The following ZNF2 variants were observed in gnomAD, a reference collection of about 807,000 sequenced individuals.
ZNF2 encodes zinc finger protein 2.
Under a neutral mutation model 21.9 loss-of-function variants are expected in ZNF2, and 12 were observed. That is an observed-to-expected ratio of 0.55 (90% CI 0.35 to 0.89). The LOEUF (loss-of-function observed/expected upper bound fraction) is 0.89. Ranked by LOEUF, ZNF2 falls within the 40% of genes least tolerant of loss-of-function variation. The pLI, the probability that ZNF2 is intolerant of heterozygous loss-of-function variation, is 0.01. For missense variants in ZNF2, 462 were observed against 544.2 expected (o/e 0.85, Z 1.50); for synonymous variants, 186 against 196.3 (o/e 0.95, Z 0.44).
intron 1 of ZNF2, among the ~76,000 whole-genome samples, chr2:95,167,521 A>G (rs898206312): frequency 1.3e-5 from 2 of 151,394 alleles, no homozygotes; most frequent in Admixed American, 1.3e-4. Flanking sequence ...AAAAAAAAAA[A>G]AAAAAGAAAG....
intron 2 of ZNF2, among the ~76,000 whole-genome samples, chr2:95,176,644 G>A (rs36120917): frequency 0.042 from 6,460 of 152,264 alleles, 421 homozygotes; most frequent in African/African-American, 0.14. Flanking sequence ...AGGCTGGGGC[G>A]TGTGATACAC....
intron 1 of ZNF2, among the ~76,000 whole-genome samples, chr2:95,166,070 C>T (rs183030274): frequency 6.6e-6 from 1 of 151,960 alleles, no homozygotes; most frequent in African/African-American, 2.4e-5. Flanking sequence ...GTCTGGGCAC[C>T]CATTGTATGT....
intron 1 of ZNF2, among the ~76,000 whole-genome samples, chr2:95,170,263 C>T (rs917298061): frequency 1.3e-5 from 2 of 152,190 alleles, no homozygotes; most frequent in African/African-American, 2.4e-5. Flanking sequence ...ATATCTGCCT[C>T]CTCCCAGCAA....
Position 95,166,958 on chromosome 2 carries a change from A to G in ZNF2, c.-40+1098A>G, listed in dbSNP as rs557934744. ...TGTAAAATTACAATACAATTACAGG[A>G]CATGGACATCTGTAGAGTTTGAAAA... On this transcript the variant is annotated intron_variant, in intron 1 of 4. Transcript: ENST00000614034. Among the ~76,000 whole-genome samples the G allele has an allele frequency of 1.8e-4, 27 of 152,296 alleles. No homozygotes were observed. The South Asian group carries it at 5.0e-3, about 28-fold the overall frequency.
chr2:95,180,176 C>T lies in ZNF2; in HGVS notation c.178C>T (p.Pro60Ser). Residue 60 changes from proline (P) to serine (S), a missense_variant, in exon 4 of 5, where the codon CCT (proline) becomes TCT (serine). Physicochemically the swap from Pro to Ser is moderately conservative, Grantham distance 74 (BLOSUM62 -1). Transcript: ENST00000614034. Reference protein sequence around the residue: ...IVSLGLPVPQPDVIFQLKRGD... With the variant: ...IVSLGLPVPQSDVIFQLKRGD... ...TTGAGCAGGCCTTCCAGTTCCTCAA[C>T]CTGATGTGATTTTCCAATTGAAGAG... 2 of 1,613,872 alleles carry T rather than the reference C, an allele frequency of 1.2e-6. No individual in the cohort carries two copies. The highest frequency in any genetic ancestry group is 2.2e-5 in the East Asian group (1 of 44,874).
chr2:95,167,522 A>G (rs995705508), intron 1 of ZNF2, among the ~76,000 whole-genome samples: 38 of 151,274 alleles, frequency 2.5e-4, no homozygotes, highest in African/African-American at 8.5e-4. Context: ...AAAAAAAAAA[A>G]AAAAGAAAGA....
At chr2:95,171,487 A>G (rs897596696) in intron 1 of ZNF2, among the ~76,000 whole-genome samples, 3 of 150,298 alleles carry the variant, frequency 2.0e-5, no homozygotes, top group Non-Finnish European at 4.4e-5. Flanking sequence ...GGTTTGAGCG[A>G]TTCTCCTGCC....
intron 1 of ZNF2, among the ~76,000 whole-genome samples, chr2:95,175,164 C>T (rs751944308): frequency 1.3e-5 from 2 of 152,080 alleles, no homozygotes; most frequent in Non-Finnish European, 2.9e-5. Context: ...CATGTGCCAC[C>T]GTGCCTGGTC....
intron 3 of ZNF2, 94 bp from the exon 4 acceptor site, chr2:95,180,065 C>CA: frequency 2.2e-6 from 2 of 898,664 alleles, no homozygotes; most frequent in Non-Finnish European, 1.8e-6. Flanking sequence ...TCAACAACAA[C>CA]AAAAAAATCT....
chr2:95,182,302 T>A lies in ZNF2; in HGVS notation c.*196T>A. The A allele has an allele frequency of 1.5e-6, 1 of 657,554 alleles. No homozygotes were observed. Among genetic ancestry groups the A allele is most frequent in the Non-Finnish European group, 2.4e-6 (1 of 411,512 alleles). The allele number at this position is 657,554 out of a possible 1,614,324, so 40.7% of individuals were successfully genotyped here. On this transcript the variant is annotated 3_prime_UTR_variant, in exon 5 of 5. Transcript: ENST00000614034. ...GTAGGGGAGGCCATGGAAATGACTC[T>A]AAAGATACAAAATTTTGAAGAGGTT...
intron 1 of ZNF2, among the ~76,000 whole-genome samples, chr2:95,175,917 A>C (rs1396348599): frequency 6.6e-6 from 1 of 152,178 alleles, no homozygotes; most frequent in Non-Finnish European, 1.5e-5. Flanking sequence ...TGAATCTTAC[A>C]CAGTTCTTGA....
chr2:95,170,579 A>G (rs1436566058), intron 1 of ZNF2, among the ~76,000 whole-genome samples: 2 of 152,266 alleles, frequency 1.3e-5, no homozygotes, highest in Non-Finnish European at 2.9e-5. Context: ...ATCCAAGAAT[A>G]TGATAGACCT....
At chr2:95,172,243 C>T (rs1343644760) in intron 1 of ZNF2, among the ~76,000 whole-genome samples, 2 of 152,176 alleles carry the variant, frequency 1.3e-5, no homozygotes, top group East Asian at 1.9e-4. Context: ...TCACCATAAA[C>T]GACATTGTTT....
Position 95,181,789 on chromosome 2 carries a change from GCTTTCTATGGT to G in ZNF2, c.962_972del (p.Ala321GlyfsTer6). The G allele has an allele frequency of 6.2e-7, 1 of 1,614,244 alleles. No individual in the cohort carries two copies. Reference sequence around the variant, plus strand: ...TTATGAGTGTAACGAGTGCGGGAAAGCTTTCTATGGTGTCTCGTCTCTGAATAGACATCAGA... The same window carrying G: ...TTATGAGTGTAACGAGTGCGGGAAAGGTCTCGTCTCTGAATAGACATCAGA... On this transcript the variant is annotated frameshift_variant, in exon 5 of 5. Coordinates refer to ENST00000614034, the MANE Select transcript of ZNF2 (RefSeq NM_021088.4). LOFTEE classifies it high-confidence loss of function.
rs1558716909 is a variant in ZNF2, at chr2:95,181,589, A to G, written c.761A>G (p.Glu254Gly). The G allele has an allele frequency of 1.2e-6, 2 of 1,614,238 alleles. No homozygotes were observed. Among genetic ancestry groups the G allele is most frequent in the Non-Finnish European group, 8.5e-7 (1 of 1,180,044 alleles). Reference sequence around the variant, plus strand: ...GTCCATCAGCGAATTCACACTGGAGAGAAACCCTTTCAGTGCAACGAGTGT... The same window carrying G: ...GTCCATCAGCGAATTCACACTGGAGGGAAACCCTTTCAGTGCAACGAGTGT... ...LTVHQRIHTG[E>G]KPFQCNECGK... The change falls in exon 5 of 5, where the codon GAG becomes GGG. Residue 254 changes from glutamate to glycine, a missense_variant. By Grantham distance (98) the Glu-to-Gly change is moderately conservative (BLOSUM62 -2). Transcript: ENST00000614034.
At chr2:95,177,728 T>A in intron 3 of ZNF2, 119 bp downstream of exon 3, 1 of 1,319,342 alleles carries the variant, frequency 7.6e-7, no homozygotes, top group South Asian at 1.7e-5. Context: ...AGAGATAAAG[T>A]AAGAGTCGAA....
chr2:95,172,441 G>A (rs1007523942), intron 1 of ZNF2, among the ~76,000 whole-genome samples: 2 of 151,650 alleles, frequency 1.3e-5, no homozygotes, highest in African/African-American at 4.9e-5. Flanking sequence ...ATTTTTTTCT[G>A]TACACCAAAA....
chr2:95,173,188 T>C (rs780115289), intron 1 of ZNF2, among the ~76,000 whole-genome samples: 2 of 152,044 alleles, frequency 1.3e-5, no homozygotes, highest in Admixed American at 6.5e-5. Flanking sequence ...CCAGTAATTA[T>C]GTTTTTGTAA....
chr2:95,166,930 T>C (rs1341020290), intron 1 of ZNF2, among the ~76,000 whole-genome samples: 1 of 152,222 alleles, frequency 6.6e-6, no homozygotes, highest in Non-Finnish European at 1.5e-5. Flanking sequence ...AATACAGTTG[T>C]ATTGTAAAAT....
Sources: allele counts gnomAD v4.1 joint callset (sites outside exome capture counted in the v4.1 genomes callset), GRCh38; gene constraint gnomAD v4.1.1; transcripts MANE v1.5; gene names NCBI Gene and HGNC (gene_info 2026-07-23, HGNC 2026-07-21).